EYA1: variants seen among roughly 807,000 people sequenced by gnomAD.
EYA1 encodes EYA transcriptional coactivator and phosphatase 1.
A neutral mutation model predicts 82.0 loss-of-function variants in EYA1; 16 were observed. The ratio of observed to expected loss-of-function variants is 0.20; its 90% CI spans 0.13 to 0.30. The LOEUF is 0.30. Among genes scored for constraint, EYA1 ranks in the 10% least tolerant of loss-of-function variants. The probability of loss-of-function intolerance (pLI) is 1.00; values close to 1 mark genes in which losing one functional copy is unlikely to be tolerated. For synonymous variants in EYA1, 261 were observed against 264.4 expected (o/e 0.99, Z 0.12); for missense variants, 633 against 730.7 (o/e 0.87, Z 1.54).
chr8:71,494,786 T>C (rs974721916), intron 2 of EYA1, among the ~76,000 whole-genome samples: 9 of 152,012 alleles, frequency 5.9e-5, no homozygotes, highest in African/African-American at 2.2e-4. Flanking sequence ...ATAAGGAAAA[T>C]ACCCTGTAAA....
chr8:71,481,087 C>T (rs931012390), intron 2 of EYA1, among the ~76,000 whole-genome samples: 3 of 151,968 alleles, frequency 2.0e-5, no homozygotes, highest in African/African-American at 7.3e-5. Context: ...AGGCATTAAG[C>T]ATATATTTTA....
chr8:71,531,109 T>A (rs1002260140), intron 2 of EYA1: 4 of 152,230 alleles, frequency 2.6e-5, no homozygotes, highest in Non-Finnish European at 5.9e-5. Context: ...GTCACATTTT[T>A]AAAATTGTAT....
intron 2 of EYA1, among the ~76,000 whole-genome samples, chr8:71,429,514 G>T (rs1358667815): frequency 1.3e-5 from 2 of 152,102 alleles, no homozygotes; most frequent in Non-Finnish European, 2.9e-5. Flanking sequence ...TCTTGTGGCT[G>T]AAAAAGCAGC....
At chr8:71,369,274 A>G (rs1469318923) in intron 2 of EYA1, among the ~76,000 whole-genome samples, 1 of 151,278 alleles carries the variant, frequency 6.6e-6, no homozygotes, top group African/African-American at 2.4e-5. Context: ...ATTTTTGTAT[A>G]TTCTTGGATT....
At chr8:71,336,164 T>C (rs1052592288) in intron 3 of EYA1, among the ~76,000 whole-genome samples, 6 of 152,150 alleles carry the variant, frequency 3.9e-5, no homozygotes, top group African/African-American at 1.4e-4. Context: ...ACTTGGGATG[T>C]TTTTGACTCC....
At chr8:71,340,040 CCTCTT>C (rs1189122638) in intron 3 of EYA1, among the ~76,000 whole-genome samples, 7 of 152,156 alleles carry the variant, frequency 4.6e-5, no homozygotes, top group African/African-American at 1.7e-4. Context: ...TTACCTTCTG[CCTCTT>C]CTCTTATGAA....
intron 2 of EYA1, among the ~76,000 whole-genome samples, chr8:71,508,642 C>T (rs1812373342): frequency 6.6e-6 from 1 of 152,068 alleles, no homozygotes; most frequent in East Asian, 1.9e-4. Context: ...TTGTTATTTC[C>T]ACCTTGTGAG....
At chr8:71,486,232 T>C (rs768546195) in intron 2 of EYA1, among the ~76,000 whole-genome samples, 5 of 152,148 alleles carry the variant, frequency 3.3e-5, no homozygotes, top group Non-Finnish European at 5.9e-5. Flanking sequence ...CCACTGTGTT[T>C]TTCCTCCTTA....
rs66707741 is a variant in EYA1 at position 71,427,978 on chromosome 8, C to CA, written c.34-71468dup. On this transcript the variant is annotated intron_variant, in intron 2 of 18. Transcript: ENST00000643681. ...TGGGGGACAGAGAGAGACCTTGTCT[C>CA]AAAAAAAAAAAAAAGAGATGAATCA... is the stretch of plus-strand genomic sequence containing the variant. 9.1e-3 allele frequency among the ~76,000 whole-genome samples: 1,277 copies of CA among 140,360 alleles called. 24 individuals are homozygous for CA. Among genetic ancestry groups the CA allele is most frequent in the African/African-American group, 0.03 (1,156 of 37,908 alleles). 92.1% of individuals were successfully genotyped at this position (140,360 alleles called of 152,430 possible).
intron 2 of EYA1, among the ~76,000 whole-genome samples, chr8:71,521,363 G>A (rs1406275594): frequency 6.6e-6 from 1 of 152,026 alleles, no homozygotes; most frequent in East Asian, 1.9e-4. Context: ...ATTTAACTGA[G>A]ATACTCATAG....
Position 71,199,373 on chromosome 8 carries a change from G to T in EYA1, c.1746C>A (p.Ala582=). The T allele has an allele frequency of 6.2e-7, 1 of 1,613,276 alleles. No individual in the cohort carries two copies. The highest frequency in any genetic ancestry group is 8.5e-7 in the Non-Finnish European group (1 of 1,179,786). Residue 582 remains alanine, a synonymous_variant, in exon 18 of 18, where the codon GCC becomes GCA. Coordinates refer to ENST00000340726, the MANE Select transcript of EYA1 (RefSeq NM_000503.6). ...WRISSHSDLM[A]LHHALELEYL The stretch of plus-strand genomic sequence containing the variant: ...ACTCCAGTTCCAAGGCATGGTGCAG[G>T]GCCATGAGGTCCGAGTGGCTGGAGA...
chr8:71,423,739 T>G (rs1161485307), intron 2 of EYA1, among the ~76,000 whole-genome samples: 2 of 152,220 alleles, frequency 1.3e-5, no homozygotes, highest in African/African-American at 4.8e-5. Context: ...CTTTTTCTCA[T>G]GTACCCACAT....
upstream of EYA1, among the ~76,000 whole-genome samples, chr8:71,365,592 A>G (rs1827706081): frequency 6.6e-6 from 1 of 152,240 alleles, no homozygotes; most frequent in African/African-American, 2.4e-5. Context: ...AGAGTATTCC[A>G]AAATACTATA....
intron 2 of EYA1, among the ~76,000 whole-genome samples, chr8:71,473,013 T>A (rs1390516558): frequency 2.0e-5 from 3 of 151,832 alleles, no homozygotes; most frequent in Non-Finnish European, 4.4e-5. Context: ...TCTCAATGTG[T>A]TATGACTTAG....
chr8:71,201,452 G>A (rs957241937), intron 17 of EYA1, among the ~76,000 whole-genome samples: 7 of 151,924 alleles, frequency 4.6e-5, no homozygotes, highest in South Asian at 2.1e-4. Flanking sequence ...CTCTGCCCCC[G>A]TGCATTCTCT....
chr8:71,236,869 G>A (rs1811898392), intron 12 of EYA1, among the ~76,000 whole-genome samples: 1 of 152,154 alleles, frequency 6.6e-6, no homozygotes, highest in African/African-American at 2.4e-5. Flanking sequence ...GGAATTTTGA[G>A]TAAAAGGATC....
intron 3 of EYA1, among the ~76,000 whole-genome samples, chr8:71,346,694 A>G (rs2129059000): frequency 6.6e-6 from 1 of 152,226 alleles, no homozygotes; most frequent in South Asian, 2.1e-4. Flanking sequence ...GTCAGTCACT[A>G]TAGATCAAAT....
In EYA1 at chr8:71,346,448, ATATATATC is replaced by A. The variant is rs1554561619; in HGVS notation, c.124+8326_124+8333del. Among the ~76,000 whole-genome samples, 71 of 135,282 alleles carry A rather than the reference ATATATATC, an allele frequency of 5.2e-4. 1 individual carries two copies. The highest frequency in any genetic ancestry group is 3.2e-3 in the East Asian group (14 of 4,410). 88.8% of individuals were successfully genotyped at this position (135,282 alleles called of 152,430 possible). On this transcript the variant is annotated intron_variant, in intron 3 of 17. Transcript: ENST00000340726. ...CTGCAGTGAATATATATATATATAT[ATATATATC>A]TATATATATCCTTCTCCCTGCAGTT...
At chr8:71,304,039 G>A (rs1474523228) in intron 7 of EYA1, among the ~76,000 whole-genome samples, 1 of 136,996 alleles carries the variant, frequency 7.3e-6, no homozygotes, top group African/African-American at 2.5e-5. Flanking sequence ...AGTTTTCCCA[G>A]GCATTATTTT....
Sources: gnomAD v4.1 joint callset for allele counts (sites outside exome capture counted in the v4.1 genomes callset) on GRCh38, gnomAD v4.1.1 for gene constraint, MANE v1.5 for transcripts, NCBI Gene and HGNC (gene_info 2026-07-23, HGNC 2026-07-21) for gene names.